The following EHF variants were observed in gnomAD, a reference collection of about 807,000 sequenced individuals.
EHF encodes ETS homologous factor.
EHF carries 14 observed loss-of-function variants against 45.1 expected under a neutral mutation model. The observed-to-expected ratio is 0.31, with a 90% CI of 0.21 to 0.49. The LOEUF (loss-of-function observed/expected upper bound fraction) is 0.49, where lower values mean the gene tolerates loss of function less well. Ranked by LOEUF, EHF falls within the 20% of genes least tolerant of loss-of-function variation. EHF has a pLI of 0.99. For synonymous variants in EHF, 136 were observed against 131.8 expected (o/e 1.03, Z -0.22); for missense variants, 282 against 371.4 (o/e 0.76, Z 1.98).
At chr11:34,636,439 C>T (rs1044276455) in intron 1 of EHF, among the ~76,000 whole-genome samples, 1 of 152,216 alleles carries the variant, frequency 6.6e-6, no homozygotes, top group African/African-American at 2.4e-5. Context: ...AGGATGTCCC[C>T]AGTGCCAGCC....
rs573887540 is a variant in EHF, at chr11:34,662,288, C to G, written c.*3357C>G. ...AATAAGAGCACAACGGCACAACCTTCAAGGACATATTATCTACTATGAACA... is the reference window on the plus strand; with the variant it reads ...AATAAGAGCACAACGGCACAACCTTGAAGGACATATTATCTACTATGAACA... On this transcript the variant is annotated 3_prime_UTR_variant, in exon 9 of 9. Coordinates refer to ENST00000257831, the MANE Select transcript of EHF (RefSeq NM_012153.6). Among the ~76,000 whole-genome samples the G allele has an allele frequency of 6.6e-6, 1 of 152,194 alleles. No individual in the cohort carries two copies. Among genetic ancestry groups the G allele is most frequent in the East Asian group, 1.9e-4 (1 of 5,180 alleles).
chr11:34,655,787 T>C (rs1855609624), intron 6 of EHF, among the ~76,000 whole-genome samples: 1 of 152,194 alleles, frequency 6.6e-6, no homozygotes, highest in African/African-American at 2.4e-5. Flanking sequence ...TGGCAGTTCA[T>C]AGCTTTTTTG....
At chr11:34,655,295 G>T (rs896856) in intron 6 of EHF, among the ~76,000 whole-genome samples, 55,335 of 152,042 alleles carry the variant, frequency 0.36, 12,345 homozygotes, top group Non-Finnish European at 0.5. Context: ...GGAACACTGA[G>T]TCTTGATTAG....
At position 34,661,759 on chromosome 11, in the gene EHF, C is replaced by T. The variant is rs1856098536; in HGVS notation, c.*2828C>T. Among the ~76,000 whole-genome samples the T allele has an allele frequency of 6.6e-6, 1 of 152,120 alleles. No individual in the cohort carries two copies. Among genetic ancestry groups the T allele is most frequent in the African/African-American group, 2.4e-5 (1 of 41,444 alleles). ...CCTCCTTTCTTTTGGGGACACATGG[C>T]TCTCACTTGAGAAGCTCACCTGTGC... is the stretch of plus-strand genomic sequence containing the variant. On this transcript the variant is annotated 3_prime_UTR_variant, in exon 9 of 9. Coordinates refer to ENST00000257831, the MANE Select transcript of EHF (RefSeq NM_012153.6).
intron 3 of EHF, chr11:34,646,960 A>G (rs1854609936): frequency 2.0e-6 from 1 of 504,498 alleles, no homozygotes. Flanking sequence ...AGGAATTCGT[A>G]GAATACTTAC....
At chr11:34,650,336 T>C (rs1021632382) in intron 4 of EHF, among the ~76,000 whole-genome samples, 4 of 152,104 alleles carry the variant, frequency 2.6e-5, no homozygotes, top group Admixed American at 2.6e-4. Context: ...ACCTCTTTGG[T>C]TCAGTTTGTT....
intron 6 of EHF, among the ~76,000 whole-genome samples, chr11:34,655,468 C>T (rs1483580097): frequency 6.6e-6 from 1 of 152,134 alleles, no homozygotes; most frequent in South Asian, 2.1e-4. Flanking sequence ...GATTATGTGC[C>T]GGCCACCATT....
intron 2 of EHF, among the ~76,000 whole-genome samples, chr11:34,645,765 A>C (rs2134132082): frequency 6.6e-6 from 1 of 152,336 alleles, no homozygotes; most frequent in East Asian, 1.9e-4. Context: ...GTTATTGGTT[A>C]CTTGAAGAAG....
chr11:34,658,622 T>A lies in EHF; in HGVS notation c.697T>A (p.Ser233Thr), dbSNP rs376033943. 71 of 1,613,642 alleles carry A rather than the reference T, an allele frequency of 4.4e-5. No homozygotes were observed. Among genetic ancestry groups the A allele is most frequent in the Non-Finnish European group, 5.9e-5 (70 of 1,179,786 alleles). ...NPGLIKWEDR[S>T]EGVFRFLKSE... ...AGGATTAATAAAATGGGAAGACCGA[T>A]CTGAGGGCGTCTTCAGGTTCTTGAA... is the stretch of plus-strand genomic sequence containing the variant. Residue 233 changes from serine (S) to threonine (T), a missense_variant, in exon 8 of 9, where the codon TCT becomes ACT. Around this residue, in one of 3 missense-constraint regions of EHF, gnomAD observed 41 missense variants for 87.0 expected, o/e 0.47. Transcript: ENST00000257831.
intron 2 of EHF, among the ~76,000 whole-genome samples, chr11:34,644,638 A>G (rs954339594): frequency 6.6e-6 from 1 of 152,222 alleles, no homozygotes; most frequent in Non-Finnish European, 1.5e-5. Context: ...GAAGCCATGG[A>G]TGGATTCTGA....
Position 34,662,674 on chromosome 11 carries a change from T to C in EHF, c.*3743T>C, listed in dbSNP as rs1856161827. On this transcript the variant is annotated 3_prime_UTR_variant, in exon 9 of 9. Transcript: ENST00000257831. ...TTGCAAGCATGTTGTTTTTCAAATA[T>C]ATCAAGTATAGAAAAAGGTAAAACA... Among the ~76,000 whole-genome samples, 1 of 152,164 alleles carries C rather than the reference T, an allele frequency of 6.6e-6. No homozygotes were observed. The highest frequency in any genetic ancestry group is 2.4e-5 in the African/African-American group (1 of 41,450).
chr11:34,657,509 C>A (rs1855777526), intron 7 of EHF, among the ~76,000 whole-genome samples: 1 of 152,068 alleles, frequency 6.6e-6, no homozygotes, highest in African/African-American at 2.4e-5. Context: ...AGAAAGAAAT[C>A]AAGATGGTAT....
chr11:34,644,485 C>A (rs112841092), intron 2 of EHF, among the ~76,000 whole-genome samples: 1 of 152,194 alleles, frequency 6.6e-6, no homozygotes, highest in African/African-American at 2.4e-5. Flanking sequence ...TTAGAGCCCA[C>A]GTTGTGGGCC....
intron 1 of EHF, among the ~76,000 whole-genome samples, chr11:34,641,129 C>G (rs2134092673): frequency 6.6e-6 from 1 of 152,256 alleles, no homozygotes; most frequent in Non-Finnish European, 1.5e-5. Context: ...ATCTTCCCAC[C>G]CAGTGGCTCT....
chr11:34,626,348 A>G (rs895030481), intron 1 of EHF, among the ~76,000 whole-genome samples: 3 of 152,172 alleles, frequency 2.0e-5, no homozygotes, highest in African/African-American at 7.2e-5. Context: ...TTTTGAATAG[A>G]GCAATGGAGA....
At chr11:34,623,704 T>G (rs958224615) in intron 1 of EHF, among the ~76,000 whole-genome samples, 1 of 152,216 alleles carries the variant, frequency 6.6e-6, no homozygotes, top group Non-Finnish European at 1.5e-5. Context: ...AAAGTTCACT[T>G]CTGAGGAAGT....
chr11:34,655,733 CA>C (rs1269091406), intron 6 of EHF, among the ~76,000 whole-genome samples: 1 of 152,182 alleles, frequency 6.6e-6, no homozygotes, highest in Non-Finnish European at 1.5e-5. Context: ...GCTCAATAAA[CA>C]GTAGCTTTTT....
intron 1 of EHF, chr11:34,632,657 G>A (rs1391544423): frequency 1.3e-6 from 2 of 1,535,564 alleles, no homozygotes; most frequent in Non-Finnish European, 1.7e-6. Flanking sequence ...TTCAAGGTTG[G>A]TCATTCTCAA....
At chr11:34,651,502 A>T (rs1401305606) in intron 4 of EHF, 40 bp from the exon 5 acceptor site, 3 of 1,536,626 alleles carry the variant, frequency 2.0e-6, no homozygotes, top group Non-Finnish European at 2.7e-6. Context: ...TCCCTGGGGA[A>T]AAGAGATCGC....
Sources: gnomAD v4.1 joint callset for allele counts (sites outside exome capture counted in the v4.1 genomes callset) on GRCh38, gnomAD v4.1.1 for gene constraint, gnomAD v4.1.1 regional missense constraint, MANE v1.5 for transcripts, NCBI Gene and HGNC (gene_info 2026-07-23, HGNC 2026-07-21) for gene names.